CSMD3: variants seen among roughly 807,000 people sequenced by gnomAD.
The protein encoded by CSMD3 is CUB and sushi domain-containing protein 3.
In CSMD3, 177 loss-of-function variants were observed where a neutral mutation model predicts 435.2. The observed-to-expected ratio is 0.41, with a 90% CI of 0.36 to 0.46. The LOEUF (loss-of-function observed/expected upper bound fraction) is 0.46. Among genes scored for constraint, CSMD3 ranks in the 20% least tolerant of loss-of-function variants. The probability of loss-of-function intolerance (pLI) is 0.34; values close to 1 mark genes in which losing one functional copy is unlikely to be tolerated. For synonymous variants in CSMD3, 1,656 were observed against 1,520.5 expected (o/e 1.09, Z -2.07); for missense variants, 4,265 against 4,504.6 (o/e 0.95, Z 1.52).
intron 35 of CSMD3, among the ~76,000 whole-genome samples, chr8:112,405,250 T>TATATAC (rs1831740521): frequency 1.8e-5 from 2 of 109,934 alleles, no homozygotes; most frequent in Non-Finnish European, 3.5e-5. Flanking sequence ...TATATATACA[T>TATATAC]ATATATATAC....
intron 6 of CSMD3, among the ~76,000 whole-genome samples, chr8:113,001,187 A>G (rs2085849507): frequency 6.6e-6 from 1 of 152,060 alleles, no homozygotes; most frequent in Non-Finnish European, 1.5e-5. Flanking sequence ...GTCACACTAT[A>G]GTATATTTTC....
intron 38 of CSMD3, among the ~76,000 whole-genome samples, chr8:112,358,174 T>A (rs1336975733): frequency 1.3e-5 from 2 of 152,194 alleles, no homozygotes; most frequent in South Asian, 4.1e-4. Context: ...TGAACTTGCA[T>A]GGGGCCTGTA....
At chr8:112,698,121 C>T (rs1034931226) in intron 13 of CSMD3, among the ~76,000 whole-genome samples, 1 of 151,672 alleles carries the variant, frequency 6.6e-6, no homozygotes, top group African/African-American at 2.4e-5. Flanking sequence ...AAAAGGCAGC[C>T]GGTAAGGTTG....
chr8:112,782,424 A>G (rs1001610784), intron 13 of CSMD3, among the ~76,000 whole-genome samples: 2 of 152,032 alleles, frequency 1.3e-5, no homozygotes, highest in Non-Finnish European at 2.9e-5. Context: ...TAAAAATAAT[A>G]AAGGATGCCT....
In CSMD3 at chr8:113,199,588, T is replaced by C. The variant is rs562912882; in HGVS notation, c.515-25672A>G. On this transcript the variant is annotated intron_variant, in intron 3 of 70. Transcript: ENST00000297405. ...TTTTCCAACACAAAATGTGCACACA[T>C]CTACTCTATAGGTTGAAAGGGCATT... 2.6e-5 allele frequency among the ~76,000 whole-genome samples: 4 copies of C among 151,892 alleles called. No homozygotes were observed. In the South Asian group the frequency reaches 8.3e-4, roughly 31 times the overall value.
chr8:113,429,250 ATC>A (rs199597367), intron 1 of CSMD3, among the ~76,000 whole-genome samples: 1 of 149,610 alleles, frequency 6.7e-6, no homozygotes, highest in Non-Finnish European at 1.5e-5. Flanking sequence ...ATATATATAT[ATC>A]ATGTGAAAAA....
chr8:112,360,414 A>T (rs1177714207), intron 38 of CSMD3, among the ~76,000 whole-genome samples: 5 of 152,002 alleles, frequency 3.3e-5, no homozygotes, highest in African/African-American at 1.2e-4. Context: ...CATAAACAAA[A>T]TAAAATGTTT....
intron 54 of CSMD3, among the ~76,000 whole-genome samples, chr8:112,295,622 A>C (rs1820184290): frequency 6.6e-6 from 1 of 151,828 alleles, no homozygotes; most frequent in Non-Finnish European, 1.5e-5. Flanking sequence ...GCTAAATTTA[A>C]TTTATTATCT....
In CSMD3 at chr8:112,517,119, T is replaced by A. The variant is rs1323203276; in HGVS notation, c.4671A>T (p.Gly1557=). Residue 1557 remains glycine, a synonymous_variant, in exon 28 of 71, where the codon GGA becomes GGT. Coordinates refer to ENST00000297405, the MANE Select transcript of CSMD3 (RefSeq NM_198123.2). ...GDTVVFQCDP[G]YELQGEERIT... Reference sequence around the variant, plus strand: ...TTCTTTCCTCTCCTTGAAGTTCATATCCTGGGTCACATTGAAAAACAACAG... The same window carrying A: ...TTCTTTCCTCTCCTTGAAGTTCATAACCTGGGTCACATTGAAAAACAACAG... The A allele has an allele frequency of 3.7e-6, 6 of 1,613,854 alleles. No individual in the cohort carries two copies. The highest frequency in any genetic ancestry group is 5.1e-6 in the Non-Finnish European group (6 of 1,179,836).
At chr8:112,938,052 C>G (rs534072626) in intron 9 of CSMD3, among the ~76,000 whole-genome samples, 32 of 152,266 alleles carry the variant, frequency 2.1e-4, no homozygotes, top group Admixed American at 2.0e-3. Context: ...GGGGGAAAAG[C>G]ACTCAGAATA....
intron 3 of CSMD3, among the ~76,000 whole-genome samples, chr8:113,266,182 A>T (rs1411159243): frequency 6.7e-5 from 3 of 44,698 alleles, no homozygotes; most frequent in Admixed American, 4.8e-4. Context: ...CCCTAAACTT[A>T]AAAAAAAAAA....
At chr8:113,387,464 AATAAG>A (rs2094444082) in intron 1 of CSMD3, among the ~76,000 whole-genome samples, 1 of 151,792 alleles carries the variant, frequency 6.6e-6, no homozygotes, top group Non-Finnish European at 1.5e-5. Flanking sequence ...AACAAAGATA[AATAAG>A]ATAAAATCCA....
intron 23 of CSMD3, among the ~76,000 whole-genome samples, chr8:112,578,643 A>G (rs948461188): frequency 6.6e-6 from 1 of 152,070 alleles, no homozygotes; most frequent in Non-Finnish European, 1.5e-5. Context: ...GTATACTTGT[A>G]CATAAGGTTT....
rs149028950 is a variant in CSMD3 at position 112,265,533 on chromosome 8, T to A, written c.9566A>T (p.Tyr3189Phe). ...PANGLRYGDD[Y>F]VVGQNVSYMC... ...GTAAGAAACATTTTGTCCAACCACA[T>A]AATCATCTCCATATCTCAGTCCATT... Residue 3189 changes from tyrosine to phenylalanine, a missense_variant, in exon 60 of 71, where the codon TAT becomes TTT. This residue lies in a region of CSMD3 where 3,255 missense variants were observed against 3,380.2 expected (regional missense o/e 0.96). Coordinates refer to ENST00000297405, the MANE Select transcript of CSMD3 (RefSeq NM_198123.2). The A allele has an allele frequency of 2.1e-4, 333 of 1,613,440 alleles. No individual in the cohort carries two copies. Among genetic ancestry groups the A allele is most frequent in the Non-Finnish European group, 2.7e-4 (322 of 1,179,550 alleles).
Position 112,241,708 on chromosome 8 carries a change from G to T in CSMD3, c.10468+12C>A, listed in dbSNP as rs754044748. ...AATAATGAACTCTAGAAAAACAAATGACATTACTAACCACTTAGCTTTGGG... is the reference window on the plus strand; with the variant it reads ...AATAATGAACTCTAGAAAAACAAATTACATTACTAACCACTTAGCTTTGGG... On this transcript the variant is annotated intron_variant, in intron 66 of 70. Transcript: ENST00000297405. 6.3e-7 allele frequency: 1 copy of T among 1,594,914 alleles called. No homozygotes were observed. The highest frequency in any genetic ancestry group is 8.6e-7 in the Non-Finnish European group (1 of 1,162,798).
chr8:112,646,670 C>T (rs1368589512), intron 19 of CSMD3, among the ~76,000 whole-genome samples: 1 of 152,066 alleles, frequency 6.6e-6, no homozygotes, highest in Non-Finnish European at 1.5e-5. Context: ...AACATTCGTA[C>T]TATTACTTTG....
intron 1 of CSMD3, among the ~76,000 whole-genome samples, chr8:113,364,493 G>C (rs956483639): frequency 6.6e-6 from 1 of 152,022 alleles, no homozygotes; most frequent in Non-Finnish European, 1.5e-5. Context: ...ATTTCAACAA[G>C]TTCTAGTTTT....
At chr8:112,415,880 G>C (rs1811858797) in intron 32 of CSMD3, among the ~76,000 whole-genome samples, 1 of 152,134 alleles carries the variant, frequency 6.6e-6, no homozygotes, top group South Asian at 2.1e-4. Context: ...CTCTCATTTG[G>C]AACTGGTGTA....
intron 13 of CSMD3, among the ~76,000 whole-genome samples, chr8:112,723,045 A>C (rs546725552): frequency 2.0e-5 from 3 of 152,126 alleles, no homozygotes; most frequent in Non-Finnish European, 4.4e-5. Context: ...TAGCAAAAAA[A>C]AAAAAACCTG....
Sources: gnomAD v4.1 joint callset for allele counts (sites outside exome capture counted in the v4.1 genomes callset) on GRCh38, gnomAD v4.1.1 for gene constraint, gnomAD v4.1.1 regional missense constraint, MANE v1.5 for transcripts, NCBI Gene and HGNC (gene_info 2026-07-23, HGNC 2026-07-21) for gene names.